The following SRRM3 variants were observed in gnomAD, a reference collection of about 807,000 sequenced individuals.
The protein encoded by SRRM3 is serine/arginine repetitive matrix 3, also known as serine/arginine repetitive matrix protein 3.
In SRRM3, 27 loss-of-function variants were observed where a neutral mutation model predicts 66.2. The observed-to-expected ratio is 0.41, with a 90% confidence interval of 0.30 to 0.56. The LOEUF (loss-of-function observed/expected upper bound fraction) is 0.56. Ranked by LOEUF, SRRM3 falls within the 20% of genes least tolerant of loss-of-function variation. The pLI is 0.32. For missense variants in SRRM3, 918 were observed against 991.9 expected (o/e 0.93, Z 1.00); for synonymous variants, 391 against 414.9 (o/e 0.94, Z 0.70).
At chr7:76,213,567 T>C (rs1800488476) in intron 1 of SRRM3, among the ~76,000 whole-genome samples, 1 of 152,058 alleles carries the variant, frequency 6.6e-6, no homozygotes, top group Non-Finnish European at 1.5e-5. Flanking sequence ...GTGGGATTCA[T>C]TGTTGCAGGT....
chr7:76,267,210 C>CGT, intron 10 of SRRM3, 48 bp from the exon 11 acceptor site: 1 of 1,443,980 alleles, frequency 6.9e-7, no homozygotes, highest in Non-Finnish European at 9.1e-7. Context: ...GCTTGCAAAG[C>CGT]GGGTGTCCCA....
chr7:76,285,846 CCAGA>C lies in SRRM3; in HGVS notation c.*9_*12del. 2.6e-6 allele frequency: 4 copies of C among 1,546,092 alleles called. No individual in the cohort carries two copies. Among genetic ancestry groups the C allele is most frequent in the Non-Finnish European group, 3.5e-6 (4 of 1,143,698 alleles). On this transcript the variant is annotated 3_prime_UTR_variant, in exon 15 of 15. Transcript: ENST00000611745. The surrounding 1 kb of genome is among the most constrained non-coding windows in gnomAD (Gnocchi z 4.1). ...GCTCTGAGAGCGGGGGCTTCTGAGCCCAGACAGACTCAGCTTGGTGCCCCCCTGG... is the reference window on the plus strand; with the variant it reads ...GCTCTGAGAGCGGGGGCTTCTGAGCCCAGACTCAGCTTGGTGCCCCCCTGG...
intron 10 of SRRM3, among the ~76,000 whole-genome samples, chr7:76,266,692 G>T (rs1802066833): frequency 7.5e-6 from 1 of 133,128 alleles, no homozygotes; most frequent in Non-Finnish European, 1.5e-5. Context: ...TATATATTTT[G>T]AGACGAGTAT....
At position 76,283,001 on chromosome 7, in the gene SRRM3, G is replaced by T; in HGVS notation, c.1633G>T (p.Ala545Ser). ...DGEGRARHSE[A>S]EATRARRRSR... ...CGAGGGCCGCGCAAGGCACTCTGAG[G>T]CCGAGGCCACCCGCGCCCGGCGCCG... Residue 545 changes from alanine to serine, a missense_variant, in exon 14 of 15, where the codon GCC (alanine) becomes TCC (serine). Transcript: ENST00000611745. The T allele has an allele frequency of 6.8e-7, 1 of 1,462,978 alleles. No homozygotes were observed. Among genetic ancestry groups the T allele is most frequent in the Non-Finnish European group, 9.0e-7 (1 of 1,113,628 alleles). 90.6% of individuals were successfully genotyped at this position (1,462,978 alleles called of 1,614,324 possible). A position where few individuals can be genotyped will look rare whatever the true frequency, so the allele number is the denominator to read the frequency against.
rs576364154 is a variant in SRRM3 at position 76,212,967 on chromosome 7, G to A, written c.-40+10900G>A. 4.7e-5 allele frequency among the ~76,000 whole-genome samples: 7 copies of A among 150,520 alleles called. No homozygotes were observed. In the South Asian group the frequency reaches 1.5e-3, roughly 32 times the overall value. ...CAATCTGGGTGCCCTCGAGGGCCCGGTGCTGCTTCTTCCCTGGCCCACTTT... is the reference window on the plus strand; with the variant it reads ...CAATCTGGGTGCCCTCGAGGGCCCGATGCTGCTTCTTCCCTGGCCCACTTT... On this transcript the variant is annotated intron_variant, in intron 1 of 14. Coordinates refer to ENST00000611745, the MANE Select transcript of SRRM3 (RefSeq NM_001110199.3).
chr7:76,222,164 C>T (rs1395610948), intron 1 of SRRM3, among the ~76,000 whole-genome samples: 1 of 152,062 alleles, frequency 6.6e-6, no homozygotes, highest in Non-Finnish European at 1.5e-5. Flanking sequence ...ACCTGCAATC[C>T]CAGAGCTTTG....
intron 8 of SRRM3, among the ~76,000 whole-genome samples, chr7:76,262,886 A>G (rs1554608972): frequency 6.6e-6 from 1 of 151,976 alleles, no homozygotes; most frequent in African/African-American, 2.4e-5. Context: ...AGGAGAGGAG[A>G]GGAGAGCTCG....
chr7:76,260,324 C>T (rs1468254059), intron 5 of SRRM3, 127 bp downstream of exon 5: 139 of 704,978 alleles, frequency 2.0e-4, no homozygotes, highest in Non-Finnish European at 2.9e-4. Flanking sequence ...CTCCCTCGCC[C>T]TCCCCGTGCC....
At chr7:76,260,065 C>T (rs1554608331) in intron 4 of SRRM3, 31 bp downstream of exon 4, 9 of 1,390,460 alleles carry the variant, frequency 6.5e-6, no homozygotes, top group Admixed American at 2.8e-5. Context: ...GGGTGGGGGG[C>T]GCGCGGGGCT....
intron 12 of SRRM3, 115 bp downstream of exon 12, chr7:76,281,917 T>A: frequency 1.3e-6 from 1 of 799,090 alleles, no homozygotes; most frequent in Non-Finnish European, 1.5e-6. Context: ...CCTCCAGGGA[T>A]CCCAACCCCC....
At chr7:76,232,163 C>T (rs1172479987) in intron 1 of SRRM3, among the ~76,000 whole-genome samples, 3 of 152,164 alleles carry the variant, frequency 2.0e-5, no homozygotes, top group Non-Finnish European at 4.4e-5. Flanking sequence ...TTAGCTGGAG[C>T]TAGGAGTTGA....
chr7:76,212,298 G>A (rs954387840), intron 1 of SRRM3, among the ~76,000 whole-genome samples: 7 of 150,312 alleles, frequency 4.7e-5, no homozygotes, highest in Non-Finnish European at 4.4e-5. Flanking sequence ...ACAGGTGCAC[G>A]CCACCATGCC....
intron 3 of SRRM3, among the ~76,000 whole-genome samples, chr7:76,253,514 G>C (rs1017515589): frequency 2.6e-5 from 4 of 151,894 alleles, no homozygotes; most frequent in Non-Finnish European, 5.9e-5. Context: ...TCCGCTACTC[G>C]GGAAGCTGAG....
intron 11 of SRRM3, among the ~76,000 whole-genome samples, chr7:76,278,134 G>A (rs1004372234): frequency 2.0e-5 from 3 of 152,174 alleles, no homozygotes; most frequent in African/African-American, 7.2e-5. Flanking sequence ...TGGAGTGGGG[G>A]GAGTATGTGT....
At chr7:76,272,302 G>T (rs1414975917) in intron 11 of SRRM3, among the ~76,000 whole-genome samples, 1 of 152,154 alleles carries the variant, frequency 6.6e-6, no homozygotes, top group Non-Finnish European at 1.5e-5. Flanking sequence ...GACTTATGCC[G>T]GTAATGCCAG....
intron 3 of SRRM3, among the ~76,000 whole-genome samples, chr7:76,257,443 TAAAAA>T (rs34478728): frequency 2.1e-5 from 2 of 95,282 alleles, no homozygotes; most frequent in Non-Finnish European, 2.0e-5. Flanking sequence ...CTTGTTCAAT[TAAAAA>T]AAAAAAAAAA....
chr7:76,231,729 A>G (rs546711017), intron 1 of SRRM3, among the ~76,000 whole-genome samples: 50 of 152,258 alleles, frequency 3.3e-4, no homozygotes, highest in Non-Finnish European at 6.6e-4. Context: ...GTATCTAAAT[A>G]TCGCATTTAA....
At chr7:76,270,632 C>T (rs1046593241) in intron 11 of SRRM3, among the ~76,000 whole-genome samples, 4 of 151,826 alleles carry the variant, frequency 2.6e-5, no homozygotes, top group South Asian at 2.1e-4. Flanking sequence ...GCTAACATGG[C>T]GAACCCCCGT....
At chr7:76,249,631 G>A (rs782221391) in intron 3 of SRRM3, among the ~76,000 whole-genome samples, 2 of 152,246 alleles carry the variant, frequency 1.3e-5, no homozygotes, top group African/African-American at 2.4e-5. Context: ...ATTGCTGGCC[G>A]AGCTCCATGC....
Sources: gnomAD v4.1 joint callset for allele counts (sites outside exome capture counted in the v4.1 genomes callset) on GRCh38, gnomAD v4.1.1 for gene constraint, Gnocchi (gnomAD v3.1) non-coding constraint, MANE v1.5 for transcripts, NCBI Gene and HGNC (gene_info 2026-07-23, HGNC 2026-07-21) for gene names.